The following JAZF1 variants were observed in gnomAD, a reference collection of about 807,000 sequenced individuals.
JAZF1 encodes the protein juxtaposed with another zinc finger protein 1.
Under a neutral mutation model 26.4 loss-of-function variants are expected in JAZF1, and 8 were observed. The observed-to-expected ratio is 0.30, with a 90% CI of 0.18 to 0.55. The LOEUF (loss-of-function observed/expected upper bound fraction) is 0.55. JAZF1 is among the 20% of genes least tolerant of loss of function. The probability of loss-of-function intolerance (pLI) is 0.94; values close to 1 mark genes in which losing one functional copy is unlikely to be tolerated. For missense variants in JAZF1, 199 were observed against 322.0 expected, an observed-to-expected ratio of 0.62 and a Z score of 2.92; for synonymous variants, 126 against 122.3, an observed-to-expected ratio of 1.03 and a Z score of -0.20.
In JAZF1 at chr7:27,895,299, G is replaced by C; in HGVS notation, c.306C>G (p.Arg102=). 6.2e-7 allele frequency: 1 copy of C among 1,607,402 alleles called. No individual in the cohort carries two copies. The highest frequency in any genetic ancestry group is 8.5e-7 in the Non-Finnish European group (1 of 1,175,410). ...VSRGNVSTPP[R]HSSGSLTPPV... ...GGGGAGTAAGGCTTCCACTGCTGTG[G>C]CGTGGGGGAGTGGACACATTCCCTC... Residue 102 remains arginine (R), a synonymous_variant, in exon 3 of 5, where the codon CGC becomes CGG. Transcript: ENST00000283928.
intron 1 of JAZF1, among the ~76,000 whole-genome samples, chr7:28,018,415 C>T (rs951460530): frequency 1.3e-5 from 2 of 152,182 alleles, no homozygotes; most frequent in Non-Finnish European, 2.9e-5. Flanking sequence ...GGAGAGAACA[C>T]AAGATTTCTA....
At chr7:27,959,787 C>T (rs1785159450) in intron 2 of JAZF1, among the ~76,000 whole-genome samples, 1 of 152,124 alleles carries the variant, frequency 6.6e-6, no homozygotes, top group South Asian at 2.1e-4. Context: ...GTAATCCCAA[C>T]TACTTGGGAG....
intron 2 of JAZF1, among the ~76,000 whole-genome samples, chr7:27,991,654 C>G (rs1785906858): frequency 1.3e-5 from 2 of 152,160 alleles, no homozygotes; most frequent in Admixed American, 6.5e-5. Flanking sequence ...AGAGCATATT[C>G]TAACTCTGCA....
Position 28,157,469 on chromosome 7 carries a change from G to A in JAZF1, c.115+22994C>T, listed in dbSNP as rs1014851213. Among the ~76,000 whole-genome samples the A allele has an allele frequency of 2.0e-5, 3 of 152,184 alleles. No homozygotes were observed. In the South Asian group the frequency reaches 6.2e-4, roughly 32 times the overall value. On this transcript the variant is annotated intron_variant, in intron 1 of 4. Coordinates refer to ENST00000283928, the MANE Select transcript of JAZF1 (RefSeq NM_175061.4). ...TTCCAATAAAACTTTATTTATGGAC[G>A]TGAAATCTGAGTTGCAAATAATTTT...
Position 27,959,421 on chromosome 7 carries a change from T to C in JAZF1, c.188+32488A>G, listed in dbSNP as rs188051386. Among the ~76,000 whole-genome samples, 603 of 152,344 alleles carry C rather than the reference T, an allele frequency of 4.0e-3. 4 individuals carry two copies. The highest frequency in any genetic ancestry group is 5.6e-3 in the Non-Finnish European group (384 of 68,030). ...TTATAGCACTGATCATTTGAGCTAT[T>C]AGCTTGGCACAAGGACATACTTTGG... is the stretch of plus-strand genomic sequence containing the variant. On this transcript the variant is annotated intron_variant, in intron 2 of 4. Coordinates refer to ENST00000283928, the MANE Select transcript of JAZF1 (RefSeq NM_175061.4).
chr7:28,013,767 C>T (rs1782838028), intron 1 of JAZF1, among the ~76,000 whole-genome samples: 1 of 152,046 alleles, frequency 6.6e-6, no homozygotes, highest in Non-Finnish European at 1.5e-5. Context: ...CACAGAGAGA[C>T]CAGGGCTGAG....
chr7:28,069,771 G>A (rs563580659), intron 1 of JAZF1, among the ~76,000 whole-genome samples: 2 of 152,226 alleles, frequency 1.3e-5, no homozygotes, highest in African/African-American at 2.4e-5. Context: ...TGCCAGGTAC[G>A]GCTCCATGCT....
intron 1 of JAZF1, among the ~76,000 whole-genome samples, chr7:28,030,335 A>G (rs138132824): frequency 2.0e-5 from 3 of 152,342 alleles, no homozygotes; most frequent in African/African-American, 7.2e-5. Context: ...TTGTACAACT[A>G]AAATGTTTCT....
intron 2 of JAZF1, among the ~76,000 whole-genome samples, chr7:27,900,324 A>G (rs1784145049): frequency 1.3e-5 from 2 of 152,364 alleles, no homozygotes; most frequent in South Asian, 4.1e-4. Flanking sequence ...TGTTAAAAAC[A>G]AGGATATTTA....
intron 3 of JAZF1, among the ~76,000 whole-genome samples, chr7:27,870,603 A>AC (rs1395715906): frequency 6.6e-6 from 1 of 152,174 alleles, no homozygotes; most frequent in African/African-American, 2.4e-5. Flanking sequence ...CTTACAGAGG[A>AC]CAAGACCAAG....
At chr7:27,875,813 C>G (rs933966035) in intron 3 of JAZF1, among the ~76,000 whole-genome samples, 1 of 152,212 alleles carries the variant, frequency 6.6e-6, no homozygotes, top group Admixed American at 6.5e-5. Context: ...GATGTTTGTT[C>G]AGTATATTAA....
At chr7:27,954,458 T>C (rs1016311334) in intron 2 of JAZF1, among the ~76,000 whole-genome samples, 1 of 152,128 alleles carries the variant, frequency 6.6e-6, no homozygotes, top group East Asian at 1.9e-4. Context: ...TGGCAGGGCA[T>C]CCTTGTCCAT....
At chr7:27,844,928 T>A (rs1417229822) in intron 3 of JAZF1, among the ~76,000 whole-genome samples, 4 of 152,162 alleles carry the variant, frequency 2.6e-5, no homozygotes, top group Non-Finnish European at 5.9e-5. Context: ...CACCTGTCAT[T>A]AAGTAGAGTT....
chr7:27,904,311 T>C (rs1017139427), intron 2 of JAZF1, among the ~76,000 whole-genome samples: 7 of 152,190 alleles, frequency 4.6e-5, no homozygotes, highest in Non-Finnish European at 1.0e-4. Flanking sequence ...TGCTAATAAA[T>C]TCATGTGGCG....
intron 3 of JAZF1, among the ~76,000 whole-genome samples, chr7:27,890,914 C>T (rs1040610470): frequency 3.3e-5 from 5 of 151,840 alleles, no homozygotes; most frequent in Admixed American, 6.6e-5. Context: ...CTCAACCTCC[C>T]AAGTAGCTGG....
At chr7:27,919,111 A>G (rs1417490589) in intron 2 of JAZF1, among the ~76,000 whole-genome samples, 1 of 152,222 alleles carries the variant, frequency 6.6e-6, no homozygotes, top group Non-Finnish European at 1.5e-5. Context: ...CACAGGTCCT[A>G]GTAATGGGCA....
In JAZF1 at chr7:27,903,587, AG is replaced by A. The variant is rs537360142; in HGVS notation, c.189-8172del. Reference sequence around the variant, plus strand: ...ACAATAACTACTCATGAACAGAAAAAGAAGGTTCCTCTCATTAGACAACACG... The same window carrying A: ...ACAATAACTACTCATGAACAGAAAAAAAGGTTCCTCTCATTAGACAACACG... On this transcript the variant is annotated intron_variant, in intron 2 of 4. Transcript: ENST00000283928. 2.0e-4 allele frequency among the ~76,000 whole-genome samples: 31 copies of A among 152,368 alleles called. No individual in the cohort carries two copies. In the South Asian group the frequency reaches 6.2e-3, roughly 31 times the overall value.
chr7:27,947,924 C>T (rs1016946560), intron 2 of JAZF1, among the ~76,000 whole-genome samples: 1 of 152,168 alleles, frequency 6.6e-6, no homozygotes, highest in Non-Finnish European at 1.5e-5. Flanking sequence ...CCAGCATCCA[C>T]GGGCTAACTC....
intron 1 of JAZF1, among the ~76,000 whole-genome samples, chr7:28,030,949 T>C (rs1021754390): frequency 3.3e-5 from 5 of 152,216 alleles, no homozygotes; most frequent in African/African-American, 1.2e-4. Flanking sequence ...TTCATCCTTG[T>C]GTCATTATTC....
Sources: allele counts gnomAD v4.1 joint callset (sites outside exome capture counted in the v4.1 genomes callset), GRCh38; gene constraint gnomAD v4.1.1; transcripts MANE v1.5; gene names NCBI Gene and HGNC (gene_info 2026-07-23, HGNC 2026-07-21).